PIWIL2: variants seen among roughly 807,000 people sequenced by gnomAD.
PIWIL2 encodes the protein piwi like RNA-mediated gene silencing 2, also known as piwi-like protein 2.
PIWIL2 carries 81 observed loss-of-function variants against 116.5 expected under a neutral mutation model. The ratio of observed to expected loss-of-function variants is 0.70; its 90% confidence interval spans 0.58 to 0.84. The LOEUF is 0.84. Among genes scored for constraint, PIWIL2 ranks in the 40% least tolerant of loss-of-function variants. The pLI is 0.00. For synonymous variants in PIWIL2, 489 were observed against 429.5 expected (o/e 1.14, Z -1.71); for missense variants, 1,272 against 1,212.3 (o/e 1.05, Z -0.73).
chr8:22,303,395 A>G (rs746808211), intron 10 of PIWIL2, among the ~76,000 whole-genome samples: 1 of 152,128 alleles, frequency 6.6e-6, no homozygotes, highest in Non-Finnish European at 1.5e-5. Context: ...TAAACAATTA[A>G]TTTTAATTAA....
chr8:22,299,745 A>G (rs1290650737), intron 10 of PIWIL2, among the ~76,000 whole-genome samples: 1 of 152,170 alleles, frequency 6.6e-6, no homozygotes, highest in Non-Finnish European at 1.5e-5. Context: ...CAGTGAAGAA[A>G]ATAGACATGG....
intron 10 of PIWIL2, among the ~76,000 whole-genome samples, chr8:22,295,867 C>T (rs180992322): frequency 6.6e-5 from 10 of 152,248 alleles, no homozygotes; most frequent in Admixed American, 4.6e-4. Context: ...TACTTTCTTA[C>T]GTCACTTGTA....
intron 20 of PIWIL2, among the ~76,000 whole-genome samples, chr8:22,329,637 G>C (rs1396766181): frequency 4.6e-5 from 7 of 152,218 alleles, no homozygotes; most frequent in Admixed American, 3.9e-4. Context: ...CCCACCTCCA[G>C]TATTGGGAAT....
chr8:22,279,569 G>T lies in PIWIL2; in HGVS notation c.183G>T (p.Arg61Ser), dbSNP rs767603683. The T allele has an allele frequency of 6.2e-7, 1 of 1,614,102 alleles. No homozygotes were observed. Among genetic ancestry groups the T allele is most frequent in the Non-Finnish European group, 8.5e-7 (1 of 1,179,972 alleles). Residue 61 changes from arginine to serine, a missense_variant, in exon 2 of 23, where the codon AGG becomes AGT. By Grantham distance (110) the Arg-to-Ser change is moderately radical (BLOSUM62 -1). Coordinates refer to ENST00000356766, the MANE Select transcript of PIWIL2 (RefSeq NM_018068.5). ...FGKPEEPSTQRGPAQRESVGL... is the reference protein window; with the variant it reads ...FGKPEEPSTQSGPAQRESVGL... ...AGCCAGAGGAACCAAGCACACAGAG[G>T]GGGCCAGCACAAAGGGTAAGACCAC...
intron 20 of PIWIL2, among the ~76,000 whole-genome samples, chr8:22,350,681 G>T (rs1409583656): frequency 1.3e-5 from 2 of 152,006 alleles, no homozygotes; most frequent in African/African-American, 4.8e-5. Flanking sequence ...AGTGCTTGAG[G>T]CTTCTTAGGA....
rs534357841 is a variant in PIWIL2 at position 22,294,363 on chromosome 8, C to T, written c.1181+4017C>T. ...AAAAAAAAAAAAAAAAAAAAAGGTC[C>T]GAGCGTGGTGGCTCACGCCTGTAAT... On this transcript the variant is annotated intron_variant, in intron 10 of 22. Coordinates refer to ENST00000356766, the MANE Select transcript of PIWIL2 (RefSeq NM_018068.5). Among the ~76,000 whole-genome samples, 115 of 141,532 alleles carry T rather than the reference C, an allele frequency of 8.1e-4. 2 individuals are homozygous for T. The highest frequency in any genetic ancestry group is 1.2e-3 in the Admixed American group (16 of 13,698). 92.9% of individuals were successfully genotyped at this position (141,532 alleles called of 152,430 possible).
At chr8:22,320,676 C>T (rs549576214) in intron 20 of PIWIL2, among the ~76,000 whole-genome samples, 10 of 150,354 alleles carry the variant, frequency 6.7e-5, no homozygotes, top group South Asian at 2.1e-4. Context: ...CTGCAGCCTC[C>T]GCCTCCCGGG....
Position 22,279,505 on chromosome 8 carries a change from G to T in PIWIL2, c.119G>T (p.Gly40Val), listed in dbSNP as rs781506878. The change falls in exon 2 of 23, where the codon GGC becomes GTC. Residue 40 changes from glycine to valine, a missense_variant. Coordinates refer to ENST00000356766, the MANE Select transcript of PIWIL2 (RefSeq NM_018068.5). ...QASKPLDPALGRGAPAGRGHV... is the reference protein window; with the variant it reads ...QASKPLDPALVRGAPAGRGHV... Reference sequence around the variant, plus strand: ...TCTAAACCTTTGGACCCAGCTCTGGGCAGGGGAGCACCTGCAGGCAGAGGC... The same window carrying T: ...TCTAAACCTTTGGACCCAGCTCTGGTCAGGGGAGCACCTGCAGGCAGAGGC... 9.3e-6 allele frequency: 15 copies of T among 1,614,190 alleles called. No individual in the cohort carries two copies. The highest frequency in any genetic ancestry group is 1.3e-5 in the Non-Finnish European group (15 of 1,180,034).
rs1832472315 is a variant in PIWIL2 at position 22,355,597 on chromosome 8, T to G, written c.*92T>G. ...GAATCAACAGAGACTGAAGTGGGCT[T>G]TTGTGTTATAATTTTCCCTTTCTCC... On this transcript the variant is annotated 3_prime_UTR_variant, in exon 23 of 23. Transcript: ENST00000356766. 1.7e-6 allele frequency: 2 copies of G among 1,164,964 alleles called. No individual in the cohort carries two copies. Among genetic ancestry groups the G allele is most frequent in the Non-Finnish European group, 2.5e-6 (2 of 813,632 alleles). 72.2% of individuals were successfully genotyped at this position (1,164,964 alleles called of 1,614,324 possible).
intron 20 of PIWIL2, among the ~76,000 whole-genome samples, chr8:22,341,255 A>C (rs1257548106): frequency 6.6e-6 from 1 of 151,886 alleles, no homozygotes; most frequent in Non-Finnish European, 1.5e-5. Flanking sequence ...TCATATGACT[A>C]CTTTAGTAGA....
At chr8:22,353,532 C>G (rs1832420790) in intron 21 of PIWIL2, among the ~76,000 whole-genome samples, 1 of 152,010 alleles carries the variant, frequency 6.6e-6, no homozygotes, top group Admixed American at 6.6e-5. Flanking sequence ...CCTGTAATGC[C>G]AGCTACTCGG....
At position 22,354,334 on chromosome 8, in the gene PIWIL2, C is replaced by A; in HGVS notation, c.2721C>A (p.Val907=). Residue 907 remains valine, a synonymous_variant, in exon 22 of 23, where the codon GTC becomes GTA. Coordinates refer to ENST00000356766, the MANE Select transcript of PIWIL2 (RefSeq NM_018068.5). ...GCTGTGGCATTCCTACGCATTATGT[C>A]TGTGTTCTCAACACCGCAAACCTGA... ...RQGCGIPTHY[V]CVLNTANLSP... 6.2e-7 allele frequency: 1 copy of A among 1,613,754 alleles called. No individual in the cohort carries two copies. The highest frequency in any genetic ancestry group is 8.5e-7 in the Non-Finnish European group (1 of 1,179,668).
At chr8:22,275,653 T>G (rs1188324079) in intron 1 of PIWIL2, 2 of 152,138 alleles carry the variant, frequency 1.3e-5, no homozygotes, top group Non-Finnish European at 2.9e-5. Flanking sequence ...GGACGTCTTA[T>G]TTGGCCTGAG....
chr8:22,342,345 G>A (rs1832129866), intron 20 of PIWIL2, among the ~76,000 whole-genome samples: 1 of 152,190 alleles, frequency 6.6e-6, no homozygotes, highest in South Asian at 2.1e-4. Context: ...ACACAGTACT[G>A]CAGAGGTCTG....
rs1460695047 is a variant in PIWIL2, at chr8:22,356,506, T to C, written c.*1001T>C. The C allele has an allele frequency of 1.3e-5, 2 of 152,188 alleles. No individual in the cohort carries two copies. The highest frequency in any genetic ancestry group is 2.1e-4 in the South Asian group (1 of 4,830). The allele number at this position is 152,188 out of a possible 1,614,324, so 9.4% of individuals were successfully genotyped here. A position where few individuals can be genotyped will look rare whatever the true frequency, so the allele number is the denominator to read the frequency against. On this transcript the variant is annotated 3_prime_UTR_variant, in exon 23 of 23. Coordinates refer to ENST00000356766, the MANE Select transcript of PIWIL2 (RefSeq NM_018068.5). ...TCTTCCCCAAATATACACATGCTCTTTTGCTCTTTGTGCCTGATCTTCAGT... is the reference window on the plus strand; with the variant it reads ...TCTTCCCCAAATATACACATGCTCTCTTGCTCTTTGTGCCTGATCTTCAGT...
intron 20 of PIWIL2, among the ~76,000 whole-genome samples, chr8:22,349,051 C>T (rs1045886089): frequency 6.6e-5 from 9 of 136,792 alleles, no homozygotes; most frequent in Middle Eastern, 3.7e-3. Flanking sequence ...TTTCTTTTTT[C>T]TTTTTTTTTT....
intron 20 of PIWIL2, among the ~76,000 whole-genome samples, chr8:22,319,350 G>C (rs943657575): frequency 2.0e-5 from 3 of 152,092 alleles, no homozygotes; most frequent in African/African-American, 7.2e-5. Flanking sequence ...TTATGCTACT[G>C]AGTCACCAAG....
At chr8:22,318,047 C>T (rs770256867) in intron 19 of PIWIL2, 123 bp from the exon 20 acceptor site, 4 of 601,620 alleles carry the variant, frequency 6.6e-6, no homozygotes, top group Non-Finnish European at 1.2e-5. Context: ...AATGCATTTT[C>T]TAGGTACTTG....
At chr8:22,306,327 A>G (rs865888836) in intron 13 of PIWIL2, among the ~76,000 whole-genome samples, 4 of 152,368 alleles carry the variant, frequency 2.6e-5, no homozygotes, top group Non-Finnish European at 5.9e-5. Flanking sequence ...GGATAATTGT[A>G]AACTGGTCAT....
Sources: allele counts gnomAD v4.1 joint callset (sites outside exome capture counted in the v4.1 genomes callset), GRCh38; gene constraint gnomAD v4.1.1; transcripts MANE v1.5; gene names NCBI Gene and HGNC (gene_info 2026-07-23, HGNC 2026-07-21).